Variants in HECW2 observed in about 807,000 individuals in gnomAD.
HECW2 encodes the protein HECT, C2 and WW domain containing E3 ubiquitin protein ligase 2.
Under a neutral mutation model 175.2 loss-of-function variants are expected in HECW2, and 61 were observed. The observed-to-expected ratio is 0.35, with a 90% CI of 0.28 to 0.43. The LOEUF (loss-of-function observed/expected upper bound fraction) is 0.43, where lower values mean the gene tolerates loss of function less well. Among genes scored for constraint, HECW2 ranks in the 20% least tolerant of loss-of-function variants. HECW2 has a pLI of 1.00. For synonymous variants in HECW2, 671 were observed against 731.0 expected (o/e 0.92, Z 1.32); for missense variants, 1,524 against 2,000.5 (o/e 0.76, Z 4.54).
rs555609739 is a variant in HECW2, at chr2:196,447,349, A to AT, written c.-35-13892dup. Among the ~76,000 whole-genome samples, 430 of 152,276 alleles carry AT rather than the reference A, an allele frequency of 2.8e-3. 1 individual carries two copies. Among genetic ancestry groups the AT allele is most frequent in the African/African-American group, 9.8e-3 (406 of 41,550 alleles). ...ACGTAAAATTAGTCCCCATTCAACC[A>AT]TTTCTCCCATACAATGAGAGAGTCA... On this transcript the variant is annotated intron_variant, in intron 1 of 28. Transcript: ENST00000644978.
chr2:196,232,946 G>C (rs1192808662), intron 21 of HECW2, among the ~76,000 whole-genome samples: 1 of 152,160 alleles, frequency 6.6e-6, no homozygotes, highest in Admixed American at 6.5e-5. Flanking sequence ...AGCCAAAATA[G>C]TCTTAAACTT....
intron 14 of HECW2, chr2:196,290,850 C>T (rs928516561): frequency 5.9e-5 from 9 of 152,166 alleles, no homozygotes; most frequent in Non-Finnish European, 1.2e-4. Context: ...GACTCTAATT[C>T]AGTGTCATTT....
intron 2 of HECW2, among the ~76,000 whole-genome samples, chr2:196,371,870 A>C (rs1379932970): frequency 2.0e-5 from 3 of 152,214 alleles, no homozygotes. Context: ...TCAGCAATGA[A>C]CGATCTCTGT....
At chr2:196,492,891 G>A (rs537549595) in intron 1 of HECW2, among the ~76,000 whole-genome samples, 3 of 152,030 alleles carry the variant, frequency 2.0e-5, no homozygotes, top group African/African-American at 2.4e-5. Flanking sequence ...AACAACAAAG[G>A]CTTTTCAAGT....
intron 13 of HECW2, among the ~76,000 whole-genome samples, chr2:196,295,599 C>CCATTGT (rs1409074392): frequency 5.3e-5 from 8 of 152,166 alleles, no homozygotes; most frequent in Non-Finnish European, 8.8e-5. Flanking sequence ...ATAGGTATAC[C>CCATTGT]TCTTTATCGC....
chr2:196,211,340 A>G (rs1298527806), intron 28 of HECW2, among the ~76,000 whole-genome samples: 1 of 152,144 alleles, frequency 6.6e-6, no homozygotes, highest in African/African-American at 2.4e-5. Flanking sequence ...CTCTTTTCAT[A>G]AAGTCCATCA....
At chr2:196,328,971 A>C (rs1236461996) in intron 5 of HECW2, among the ~76,000 whole-genome samples, 1 of 152,148 alleles carries the variant, frequency 6.6e-6, no homozygotes. Flanking sequence ...ACCCAAAAAA[A>C]ATCCCTTTAG....
intron 2 of HECW2, among the ~76,000 whole-genome samples, chr2:196,380,718 C>A (rs1027997625): frequency 6.6e-6 from 1 of 152,094 alleles, no homozygotes; most frequent in South Asian, 2.1e-4. Context: ...ATTCTGCTGC[C>A]GTTAGTGGCT....
Position 196,197,313 on chromosome 2 carries a change from T to A in HECW2, c.*3964A>T, listed in dbSNP as rs1199730390. The A allele has an allele frequency of 6.6e-6, 1 of 151,054 alleles. No individual in the cohort carries two copies. Among genetic ancestry groups the A allele is most frequent in the African/African-American group, 2.4e-5 (1 of 41,000 alleles). 9.4% of individuals were successfully genotyped at this position (151,054 alleles called of 1,614,324 possible). A position where few individuals can be genotyped will look rare whatever the true frequency, so the allele number is the denominator to read the frequency against. The stretch of plus-strand genomic sequence containing the variant: ...AAGTGGTCCAATCATAAATAAAATT[T>A]GTGAATTTTATCACTGGAACTCAGC... On this transcript the variant is annotated 3_prime_UTR_variant, in exon 29 of 29. Transcript: ENST00000644978.
intron 1 of HECW2, among the ~76,000 whole-genome samples, chr2:196,518,678 A>G (rs1226440684): frequency 6.8e-6 from 1 of 146,444 alleles, no homozygotes; most frequent in African/African-American, 2.6e-5. Context: ...AAAAAAAAAA[A>G]CCCTTTAGAG....
At position 196,507,752 on chromosome 2, in the gene HECW2, C is replaced by G. The variant is rs112187266; in HGVS notation, c.-35-74294G>C. On this transcript the variant is annotated intron_variant, in intron 1 of 28. Transcript: ENST00000644978. ...TAACCAACTCTAAAATTTACCTAAACATTACACCTAACAAAACAGTCATGA... is the reference window on the plus strand; with the variant it reads ...TAACCAACTCTAAAATTTACCTAAAGATTACACCTAACAAAACAGTCATGA... Among the ~76,000 whole-genome samples, 106 of 152,284 alleles carry G rather than the reference C, an allele frequency of 7.0e-4. 3 individuals are homozygous for G. Among genetic ancestry groups the G allele is most frequent in the African/African-American group, 2.1e-3 (88 of 41,564 alleles).
At chr2:196,304,676 T>C (rs904547000) in intron 13 of HECW2, among the ~76,000 whole-genome samples, 2 of 152,176 alleles carry the variant, frequency 1.3e-5, no homozygotes, top group Non-Finnish European at 2.9e-5. Flanking sequence ...TTTTTTTCTG[T>C]GTTACAGTGA....
chr2:196,303,081 A>C lies in HECW2; in HGVS notation c.2814+3407T>G, dbSNP rs571511727. On this transcript the variant is annotated intron_variant, in intron 13 of 28. Transcript: ENST00000644978. Reference sequence around the variant, plus strand: ...TATATGGCTCTTATTACTTTGAGGTATGTTCCTTCAATACCTAGTTGATTG... The same window carrying C: ...TATATGGCTCTTATTACTTTGAGGTCTGTTCCTTCAATACCTAGTTGATTG... Among the ~76,000 whole-genome samples, 6 of 152,288 alleles carry C rather than the reference A, an allele frequency of 3.9e-5. 1 individual carries two copies. The South Asian group carries it at 1.0e-3, about 26-fold the overall frequency.
chr2:196,432,229 T>G (rs1487506417), intron 2 of HECW2, among the ~76,000 whole-genome samples: 2 of 152,106 alleles, frequency 1.3e-5, no homozygotes, highest in Non-Finnish European at 2.9e-5. Flanking sequence ...TTCCTCTGAT[T>G]TATTCGTTAA....
intron 17 of HECW2, among the ~76,000 whole-genome samples, chr2:196,265,366 T>C (rs1229611311): frequency 6.6e-6 from 1 of 152,096 alleles, no homozygotes; most frequent in Non-Finnish European, 1.5e-5. Context: ...ATTGCTGTAG[T>C]TCTGGCTACT....
intron 2 of HECW2, among the ~76,000 whole-genome samples, chr2:196,402,171 T>C (rs1331963269): frequency 8.6e-6 from 1 of 116,876 alleles, no homozygotes; most frequent in South Asian, 2.9e-4. Flanking sequence ...ACTGCACTCC[T>C]GCCTGGGCAA....
chr2:196,492,317 T>C (rs1687228451), intron 1 of HECW2, among the ~76,000 whole-genome samples: 3 of 152,104 alleles, frequency 2.0e-5, no homozygotes, highest in Admixed American at 2.0e-4. Context: ...GACCATGGGT[T>C]CCCATGATGC....
chr2:196,542,583 TC>T (rs1689261967), intron 1 of HECW2, among the ~76,000 whole-genome samples: 2 of 152,136 alleles, frequency 1.3e-5, no homozygotes, highest in South Asian at 4.2e-4. Flanking sequence ...TTGAAAAGTC[TC>T]CCTTACACCC....
rs61752161 is a variant in HECW2 at position 196,308,018 on chromosome 2, C to T, written c.2502G>A (p.Thr834=). The T allele has an allele frequency of 0.022, 34,671 of 1,603,006 alleles. 484 individuals are homozygous for T. Among genetic ancestry groups the T allele is most frequent in the Non-Finnish European group, 0.025 (29,137 of 1,171,858 alleles). The change falls in exon 11 of 29, where the codon ACG becomes ACA. Residue 834 remains threonine (T), a synonymous_variant. Coordinates refer to ENST00000644978, the MANE Select transcript of HECW2 (RefSeq NM_001348768.2). ...CTGGGGGAGCTGTCGGTCGCTGCCA[C>T]GTCGTGGTTCTGTTTACGTGATCCA... ...FYVDHVNRTT[T]WQRPTAPPAP... is the part of the protein sequence containing the mutation.
Sources: allele counts gnomAD v4.1 joint callset (sites outside exome capture counted in the v4.1 genomes callset), GRCh38; gene constraint gnomAD v4.1.1; transcripts MANE v1.5; gene names NCBI Gene and HGNC (gene_info 2026-07-23, HGNC 2026-07-21).